The following DOCK2 variants were observed in gnomAD, a reference collection of about 807,000 sequenced individuals.
The protein encoded by DOCK2 is dedicator of cytokinesis 2, also known as dedicator of cytokinesis protein 2.
Under a neutral mutation model 248.9 loss-of-function variants are expected in DOCK2, and 87 were observed. That is an observed-to-expected ratio of 0.35 (90% CI 0.29 to 0.42). The LOEUF is 0.42. Ranked by LOEUF, DOCK2 falls within the 10% of genes least tolerant of loss-of-function variation. DOCK2 has a pLI of 1.00. For synonymous variants in DOCK2, 805 were observed against 821.6 expected, an observed-to-expected ratio of 0.98 and a Z score of 0.35; for missense variants, 1,747 against 2,300.2, an observed-to-expected ratio of 0.76 and a Z score of 4.92.
intron 29 of DOCK2, among the ~76,000 whole-genome samples, chr5:169,986,359 T>C (rs1206925065): frequency 1.3e-5 from 2 of 152,220 alleles, no homozygotes; most frequent in Non-Finnish European, 2.9e-5. Context: ...GTGATTTTTT[T>C]CTAAGAGGAG....
At chr5:169,761,831 G>A (rs112772690) in intron 25 of DOCK2, among the ~76,000 whole-genome samples, 50 of 152,310 alleles carry the variant, frequency 3.3e-4, no homozygotes, top group African/African-American at 1.1e-3. Flanking sequence ...GAAAGCTGAG[G>A]TTGCATTGTT....
At chr5:169,651,486 C>T (rs1220458282) in intron 1 of DOCK2, among the ~76,000 whole-genome samples, 1 of 152,214 alleles carries the variant, frequency 6.6e-6, no homozygotes, top group Non-Finnish European at 1.5e-5. Flanking sequence ...CGGAGTAACA[C>T]ACGGTCCTGC....
At chr5:169,863,282 G>A (rs1237038438) in intron 27 of DOCK2, among the ~76,000 whole-genome samples, 1 of 152,022 alleles carries the variant, frequency 6.6e-6, no homozygotes, top group African/African-American at 2.4e-5. Context: ...AGACTGTGTC[G>A]ATTAATATAT....
chr5:169,873,943 G>A (rs1339843954), intron 27 of DOCK2, among the ~76,000 whole-genome samples: 1 of 152,116 alleles, frequency 6.6e-6, no homozygotes. Flanking sequence ...TGCATTCCAG[G>A]GAGCCTCCTT....
In DOCK2 at chr5:169,694,859, C is replaced by T. The variant is rs575288357; in HGVS notation, c.844-944C>T. Among the ~76,000 whole-genome samples the T allele has an allele frequency of 2.4e-4, 36 of 152,136 alleles. No individual in the cohort carries two copies. The East Asian group carries it at 6.4e-3, about 27-fold the overall frequency. On this transcript the variant is annotated intron_variant, in intron 9 of 51. Transcript: ENST00000520908. ...GCATGGTGGCTCATGCCTGTAGTCC[C>T]AGCTACTCAAGAGGCTGAGGTGGGA...
chr5:170,003,615 G>A (rs1218658515), intron 30 of DOCK2, among the ~76,000 whole-genome samples: 2 of 152,236 alleles, frequency 1.3e-5, no homozygotes, highest in African/African-American at 4.8e-5. Flanking sequence ...AGTGAGTGAA[G>A]CCATGGAGAC....
chr5:169,990,198 C>T (rs962778733), intron 29 of DOCK2, among the ~76,000 whole-genome samples: 7 of 152,034 alleles, frequency 4.6e-5, no homozygotes, highest in East Asian at 1.9e-4. Context: ...TCCCAGATTC[C>T]GGTGATTCTC....
At chr5:169,881,977 G>C (rs773000973) in intron 27 of DOCK2, among the ~76,000 whole-genome samples, 1 of 152,176 alleles carries the variant, frequency 6.6e-6, no homozygotes, top group South Asian at 2.1e-4. Context: ...ACCCAGGAAA[G>C]CATTTTGTGA....
chr5:169,671,695 C>G (rs992671083), intron 5 of DOCK2, among the ~76,000 whole-genome samples: 3 of 152,208 alleles, frequency 2.0e-5, no homozygotes, highest in Admixed American at 1.3e-4. Flanking sequence ...CTTTGATGCT[C>G]TAAAGCTCCT....
chr5:170,027,013 G>T (rs1755940818), intron 33 of DOCK2, among the ~76,000 whole-genome samples: 1 of 152,044 alleles, frequency 6.6e-6, no homozygotes, highest in South Asian at 2.1e-4. Flanking sequence ...GAATGCAGGG[G>T]CTCACAAATG....
At chr5:169,934,866 AAAC>A (rs1775918000) in intron 27 of DOCK2, 1 of 372,718 alleles carries the variant, frequency 2.7e-6, no homozygotes, top group South Asian at 2.0e-5. Flanking sequence ...TACATTGCCA[AAAC>A]AACTTTAACC....
At chr5:169,684,461 C>A (rs1313892132) in intron 8 of DOCK2, 111 bp downstream of exon 8, 1 of 1,358,846 alleles carries the variant, frequency 7.4e-7, no homozygotes, top group Non-Finnish European at 9.9e-7. Flanking sequence ...AAAGAGACTG[C>A]ACCTGAGTGA....
chr5:169,699,011 A>C (rs780045717), intron 11 of DOCK2, among the ~76,000 whole-genome samples: 2 of 152,168 alleles, frequency 1.3e-5, no homozygotes, highest in Non-Finnish European at 2.9e-5. Context: ...ATCAGTACTT[A>C]ATAGCCCTAA....
chr5:169,747,548 C>T lies in DOCK2; in HGVS notation c.2376+44C>T, dbSNP rs1406162055. ...AAAATCTATCTTCTCCTTGGCCATC[C>T]AGTAAATAACAGCATGCTAAGATAA... On this transcript the variant is annotated intron_variant, in intron 23 of 51. Coordinates refer to ENST00000520908, the MANE Select transcript of DOCK2 (RefSeq NM_004946.3). The T allele has an allele frequency of 4.1e-6, 6 of 1,474,930 alleles. No homozygotes were observed. The Admixed American group carries it at 8.9e-5, about 22-fold the overall frequency. 91.4% of individuals were successfully genotyped at this position (1,474,930 alleles called of 1,614,324 possible).
At chr5:169,864,534 A>G (rs1771416338) in intron 27 of DOCK2, 10 of 1,147,364 alleles carry the variant, frequency 8.7e-6, no homozygotes, top group South Asian at 3.2e-5. Context: ...CTCAGCCCCA[A>G]CTAATATGGA....
chr5:169,954,129 C>G (rs1347290241), intron 27 of DOCK2, among the ~76,000 whole-genome samples: 5 of 152,214 alleles, frequency 3.3e-5, no homozygotes, highest in Non-Finnish European at 7.3e-5. Flanking sequence ...CCACATTTCA[C>G]ATTAATTATT....
intron 36 of DOCK2, among the ~76,000 whole-genome samples, chr5:170,037,383 T>G (rs1413996733): frequency 6.6e-6 from 1 of 152,010 alleles, no homozygotes; most frequent in Non-Finnish European, 1.5e-5. Context: ...ACTATAAAAT[T>G]TTTTCCAGAA....
intron 22 of DOCK2, among the ~76,000 whole-genome samples, chr5:169,725,334 C>G (rs1475854117): frequency 2.0e-5 from 3 of 152,122 alleles, no homozygotes; most frequent in African/African-American, 7.2e-5. Flanking sequence ...AGTGACTTCT[C>G]TTTATTATTT....
At chr5:169,642,393 A>C (rs1757199893) in intron 1 of DOCK2, among the ~76,000 whole-genome samples, 1 of 152,184 alleles carries the variant, frequency 6.6e-6, no homozygotes, top group Non-Finnish European at 1.5e-5. Flanking sequence ...GTAACCATAT[A>C]ATTACAAATT....
Sources: allele counts gnomAD v4.1 joint callset (sites outside exome capture counted in the v4.1 genomes callset), GRCh38; gene constraint gnomAD v4.1.1; transcripts MANE v1.5; gene names NCBI Gene and HGNC (gene_info 2026-07-23, HGNC 2026-07-21).